The following PCYT1A variants were observed in gnomAD, a reference collection of about 807,000 sequenced individuals.
PCYT1A encodes the protein choline-phosphate cytidylyltransferase A.
A neutral mutation model predicts 43.7 loss-of-function variants in PCYT1A; 25 were observed. The observed-to-expected ratio is 0.57, with a 90% CI of 0.42 to 0.80. The LOEUF (loss-of-function observed/expected upper bound fraction) is 0.80. Ranked by LOEUF, PCYT1A falls within the 30% of genes least tolerant of loss-of-function variation. The probability of loss-of-function intolerance (pLI) is 0.00; values close to 1 mark genes in which losing one functional copy is unlikely to be tolerated. For missense variants in PCYT1A, 421 were observed against 474.2 expected, an observed-to-expected ratio of 0.89 and a Z score of 1.04; for synonymous variants, 172 against 170.7, an observed-to-expected ratio of 1.01 and a Z score of -0.06.
Position 196,282,042 on chromosome 3 carries a change from A to G in PCYT1A, c.-11+5573T>C, listed in dbSNP as rs1725784379. ...TTCAAAACATGAGCTTCTCTGACAG[A>G]TTAGTTCTAAACTAAAGTTCAACGT... On this transcript the variant is annotated intron_variant, in intron 1 of 8. Transcript: ENST00000431016. This position sits in a 1 kb window ranked among gnomAD's most constrained non-coding sequence, Gnocchi z 4.3. Among the ~76,000 whole-genome samples, 1 of 152,242 alleles carries G rather than the reference A, an allele frequency of 6.6e-6. No individual in the cohort carries two copies. The highest frequency in any genetic ancestry group is 1.5e-5 in the Non-Finnish European group (1 of 68,036).
chr3:196,242,694 CCAGT>C lies in PCYT1A; in HGVS notation c.487-58_487-55del, dbSNP rs1418103569. The C allele has an allele frequency of 2.5e-6, 3 of 1,193,682 alleles. No homozygotes were observed. Among genetic ancestry groups the C allele is most frequent in the African/African-American group, 3.0e-5 (2 of 66,836 alleles). The allele number at this position is 1,193,682 out of a possible 1,614,324, so 73.9% of individuals were successfully genotyped here. A position where few individuals can be genotyped will look rare whatever the true frequency, so the allele number is the denominator to read the frequency against. ...CATGATAACTGCCATTCAGAAAGAC[CCAGT>C]CAATGTTCTCAGGCCCAGAAAAAGG... On this transcript the variant is annotated intron_variant, in intron 5 of 8. Transcript: ENST00000431016. The surrounding 1 kb of genome is among the most constrained non-coding windows in gnomAD (Gnocchi z 4.2).
chr3:196,239,945 C>T (rs542976390), intron 7 of PCYT1A: 20 of 522,100 alleles, frequency 3.8e-5, no homozygotes, highest in African/African-American at 3.6e-4. Flanking sequence ...ATATTGTGGG[C>T]ATTTGGGAAT....
intron 7 of PCYT1A, among the ~76,000 whole-genome samples, chr3:196,240,179 TCTG>T (rs1481652226): frequency 3.3e-5 from 5 of 152,254 alleles, no homozygotes; most frequent in African/African-American, 1.2e-4. Flanking sequence ...ACTTAATTAA[TCTG>T]CTTATTGTAC....
At chr3:196,241,911 C>T in intron 7 of PCYT1A, 37 bp downstream of exon 7, 1 of 1,612,900 alleles carries the variant, frequency 6.2e-7, no homozygotes, top group Non-Finnish European at 8.5e-7. Context: ...ATGTCTCCTA[C>T]AGAGTCAGGG....
intron 1 of PCYT1A, among the ~76,000 whole-genome samples, chr3:196,283,952 A>G (rs1725836947): frequency 6.6e-6 from 1 of 152,250 alleles, no homozygotes; most frequent in Non-Finnish European, 1.5e-5. Flanking sequence ...ATAATTGGCA[A>G]GTGCCCTGAC....
intron 3 of PCYT1A, chr3:196,251,418 TGAA>T (rs1434269538): frequency 6.5e-6 from 1 of 153,122 alleles, no homozygotes; most frequent in East Asian, 1.9e-4. Flanking sequence ...GGGCAATGAA[TGAA>T]GGAGAAGGAA....
chr3:196,269,665 T>C (rs1233601351), intron 2 of PCYT1A, among the ~76,000 whole-genome samples: 1 of 151,932 alleles, frequency 6.6e-6, no homozygotes, highest in Non-Finnish European at 1.5e-5. Flanking sequence ...AATACAAAGA[T>C]AATTTTCCAG....
chr3:196,270,412 T>A lies in PCYT1A; in HGVS notation c.117+3A>T. On this transcript the variant is annotated splice_donor_region_variant and intron_variant, in intron 2 of 8. Transcript: ENST00000431016. ...TCCCCCTGCCAGGTTAATCTCCACTTACCACTGCACAGCGCTGCACTTTGG... is the reference window on the plus strand; with the variant it reads ...TCCCCCTGCCAGGTTAATCTCCACTAACCACTGCACAGCGCTGCACTTTGG... 6.3e-7 allele frequency: 1 copy of A among 1,594,454 alleles called. No homozygotes were observed. Among genetic ancestry groups the A allele is most frequent in the East Asian group, 2.2e-5 (1 of 44,794 alleles).
chr3:196,258,992 T>G (rs1725029409), intron 2 of PCYT1A, among the ~76,000 whole-genome samples: 1 of 152,212 alleles, frequency 6.6e-6, no homozygotes, highest in African/African-American at 2.4e-5. Context: ...TTACCTTATT[T>G]TTGTGTAAGA....
intron 1 of PCYT1A, among the ~76,000 whole-genome samples, chr3:196,279,764 G>A (rs188636931): frequency 1.3e-5 from 2 of 150,764 alleles, no homozygotes; most frequent in East Asian, 3.9e-4. Context: ...GCATGTCTAT[G>A]CTTGAGTCTG....
chr3:196,251,429 G>T (rs542646465), intron 3 of PCYT1A: 3 of 153,110 alleles, frequency 2.0e-5, no homozygotes, highest in African/African-American at 7.2e-5. Context: ...GAAGGAGAAG[G>T]AAAGTAGTTC....
Position 196,238,896 on chromosome 3 carries a change from T to C in PCYT1A, c.898-2A>G. ...CTTCCCCTCTTTCAGCATATGTTTC[T>C]GCAGAAACCGAAAGGAAGAGTCAGA... On this transcript the variant is annotated splice_acceptor_variant, in intron 8 of 8. Transcript: ENST00000431016. LOFTEE classifies it high-confidence loss of function. The C allele has an allele frequency of 7.1e-7, 1 of 1,415,100 alleles. No homozygotes were observed. The highest frequency in any genetic ancestry group is 9.2e-7 in the Non-Finnish European group (1 of 1,082,140). The allele number at this position is 1,415,100 out of a possible 1,614,324, so 87.7% of individuals were successfully genotyped here.
chr3:196,254,183 C>G (rs1358624580), intron 3 of PCYT1A, among the ~76,000 whole-genome samples: 1 of 151,192 alleles, frequency 6.6e-6, no homozygotes, highest in Non-Finnish European at 1.5e-5. Context: ...TGTGCCACCA[C>G]GCCTGGCTAA....
At chr3:196,278,420 G>C (rs1411629363) in intron 1 of PCYT1A, among the ~76,000 whole-genome samples, 1 of 152,020 alleles carries the variant, frequency 6.6e-6, no homozygotes, top group Non-Finnish European at 1.5e-5. Flanking sequence ...AAAAATACAC[G>C]CACACACACA....
At chr3:196,244,400 G>C (rs1349263846) in intron 5 of PCYT1A, among the ~76,000 whole-genome samples, 1 of 150,950 alleles carries the variant, frequency 6.6e-6, no homozygotes, top group Non-Finnish European at 1.5e-5. Flanking sequence ...GAGATGTGGG[G>C]AGCGCCACTG....
Position 196,252,114 on chromosome 3 carries a change from A to C in PCYT1A, c.218-3791T>G, listed in dbSNP as rs910085346. On this transcript the variant is annotated intron_variant, in intron 3 of 8. Coordinates refer to ENST00000431016, the MANE Select transcript of PCYT1A (RefSeq NM_001312673.2). The surrounding 1 kb of genome is among the most constrained non-coding windows in gnomAD (Gnocchi z 4.0). ...CGCCACGCCCCGCAGACTACAGCGC[A>C]CCCCGCCACGCCCCACTGGCTACAG... is the stretch of plus-strand genomic sequence containing the variant. Among the ~76,000 whole-genome samples the C allele has an allele frequency of 6.6e-6, 1 of 151,148 alleles. No homozygotes were observed. The highest frequency in any genetic ancestry group is 1.5e-5 in the Non-Finnish European group (1 of 67,688).
rs1724243800 is a variant in PCYT1A at position 196,238,525 on chromosome 3, G to T, written c.*163C>A. On this transcript the variant is annotated 3_prime_UTR_variant, in exon 9 of 9. Transcript: ENST00000431016. ...TGTGGGTGAGTGATGTCACTTGCAG[G>T]ACAGGCTGTTTGGGTTCCCCCAGTC... 4.1e-6 allele frequency: 2 copies of T among 489,056 alleles called. No homozygotes were observed. Among genetic ancestry groups the T allele is most frequent in the Admixed American group, 8.2e-5 (2 of 24,394 alleles). 30.3% of individuals were successfully genotyped at this position (489,056 alleles called of 1,614,324 possible).
At chr3:196,278,043 C>T (rs1002683044) in intron 1 of PCYT1A, among the ~76,000 whole-genome samples, 5 of 152,066 alleles carry the variant, frequency 3.3e-5, no homozygotes, top group African/African-American at 9.7e-5. Context: ...GAAAAAGGTA[C>T]CCCCAGTCTC....
intron 7 of PCYT1A, chr3:196,241,421 CAAG>C (rs1228596492): frequency 6.8e-6 from 6 of 882,080 alleles, no homozygotes; most frequent in Non-Finnish European, 3.2e-6. Context: ...CTCCTGGCCT[CAAG>C]CAGTCCTCCC....
Sources: gnomAD v4.1 joint callset for allele counts (sites outside exome capture counted in the v4.1 genomes callset) on GRCh38, gnomAD v4.1.1 for gene constraint, Gnocchi (gnomAD v3.1) non-coding constraint, MANE v1.5 for transcripts, NCBI Gene and HGNC (gene_info 2026-07-23, HGNC 2026-07-21) for gene names.